The following VSTM4 variants were observed in gnomAD, a reference collection of about 807,000 sequenced individuals.
VSTM4 encodes the protein V-set and transmembrane domain-containing protein 4.
VSTM4 carries 20 observed loss-of-function variants against 36.4 expected under a neutral mutation model. That is an observed-to-expected ratio of 0.55 (90% confidence interval 0.39 to 0.80). The LOEUF (loss-of-function observed/expected upper bound fraction) is 0.80. Ranked by LOEUF, VSTM4 falls within the 30% of genes least tolerant of loss-of-function variation. The pLI, the probability that VSTM4 is intolerant of heterozygous loss-of-function variation, is 0.00. For missense variants in VSTM4, 392 were observed against 404.5 expected, an observed-to-expected ratio of 0.97 and a Z score of 0.26; for synonymous variants, 182 against 173.9, an observed-to-expected ratio of 1.05 and a Z score of -0.37.
chr10:49,078,884 C>A (rs531783208), intron 3 of VSTM4, among the ~76,000 whole-genome samples: 1 of 151,874 alleles, frequency 6.6e-6, no homozygotes, highest in African/African-American at 2.4e-5. Context: ...CAGGCTGGAG[C>A]GCAGTGGCAT....
intron 7 of VSTM4, among the ~76,000 whole-genome samples, chr10:49,032,432 G>A (rs1416965405): frequency 3.3e-5 from 5 of 152,202 alleles, no homozygotes; most frequent in African/African-American, 1.2e-4. Context: ...GCTCTGATGT[G>A]AGCAGTAATT....
chr10:49,069,641 C>A (rs942364167), intron 4 of VSTM4, among the ~76,000 whole-genome samples: 1 of 152,192 alleles, frequency 6.6e-6, no homozygotes, highest in South Asian at 2.1e-4. Flanking sequence ...GAGCCCAGCC[C>A]CCTCCAGGAA....
chr10:49,071,205 C>G (rs1421698426), intron 4 of VSTM4, among the ~76,000 whole-genome samples: 1 of 152,238 alleles, frequency 6.6e-6, no homozygotes, highest in East Asian at 1.9e-4. Flanking sequence ...TCTTTCCTAT[C>G]TAGTTCGAGT....
intron 7 of VSTM4, among the ~76,000 whole-genome samples, chr10:49,040,901 G>C (rs754965074): frequency 6.6e-6 from 1 of 152,178 alleles, no homozygotes; most frequent in Non-Finnish European, 1.5e-5. Context: ...GGGGAGCTCT[G>C]TGGCCTAGGA....
At chr10:49,028,584 T>A (rs2254629) in intron 7 of VSTM4, among the ~76,000 whole-genome samples, 102,337 of 151,968 alleles carry the variant, frequency 0.67, 36,362 homozygotes, top group Non-Finnish European at 0.8. Flanking sequence ...TCTTAATGGA[T>A]AGTTTCTGAG....
chr10:49,024,552 G>A (rs1209265066), intron 7 of VSTM4, among the ~76,000 whole-genome samples: 1 of 152,200 alleles, frequency 6.6e-6, no homozygotes, highest in East Asian at 1.9e-4. Flanking sequence ...TTAAAGGTCA[G>A]CTGTGTGACC....
At chr10:49,082,414 AAC>A (rs1230680830) in intron 3 of VSTM4, among the ~76,000 whole-genome samples, 1 of 152,232 alleles carries the variant, frequency 6.6e-6, no homozygotes, top group Non-Finnish European at 1.5e-5. Context: ...CTGTAATCCT[AAC>A]ACTGTGGGAG....
chr10:49,015,089 C>T lies in VSTM4; in HGVS notation c.*4561G>A, dbSNP rs1294479474. ...TGTTAGAAACTCAGAATCCCAGGTC[C>T]TATCCCAGACCTCCTGAGCCAGGAT... On this transcript the variant is annotated 3_prime_UTR_variant, in exon 8 of 8. Transcript: ENST00000332853. 2 of 151,512 alleles carry T rather than the reference C, an allele frequency of 1.3e-5. No individual in the cohort carries two copies. The highest frequency in any genetic ancestry group is 1.5e-5 in the Non-Finnish European group (1 of 67,994). 9.4% of individuals were successfully genotyped at this position (151,512 alleles called of 1,614,324 possible).
chr10:49,032,097 C>T (rs1332259631), intron 7 of VSTM4, among the ~76,000 whole-genome samples: 1 of 152,170 alleles, frequency 6.6e-6, no homozygotes, highest in Non-Finnish European at 1.5e-5. Context: ...ACATATCACT[C>T]CTTGGTATTA....
chr10:49,055,284 T>G (rs948975707), intron 5 of VSTM4, among the ~76,000 whole-genome samples: 4 of 152,152 alleles, frequency 2.6e-5, no homozygotes, highest in African/African-American at 9.7e-5. Flanking sequence ...GAAACGTCCA[T>G]GTATTTCCTG....
At chr10:49,107,462 G>A (rs1238520116) in intron 2 of VSTM4, 132 bp downstream of exon 2, 4 of 1,183,478 alleles carry the variant, frequency 3.4e-6, no homozygotes, top group Non-Finnish European at 4.7e-6. Context: ...TCATGTCTGT[G>A]ACCAACAGAG....
At chr10:49,074,726 T>A (rs1313635365) in intron 4 of VSTM4, among the ~76,000 whole-genome samples, 1 of 152,184 alleles carries the variant, frequency 6.6e-6, no homozygotes, top group African/African-American at 2.4e-5. Flanking sequence ...TAGAGCTGTC[T>A]TGGAAGAGCC....
chr10:49,048,175 T>C (rs1417785674), intron 6 of VSTM4, among the ~76,000 whole-genome samples: 1 of 152,178 alleles, frequency 6.6e-6, no homozygotes, highest in Non-Finnish European at 1.5e-5. Context: ...GTTTTAATAG[T>C]ACAAAGTGAA....
intron 3 of VSTM4, among the ~76,000 whole-genome samples, chr10:49,085,580 C>T (rs1188368908): frequency 6.6e-6 from 1 of 152,222 alleles, no homozygotes; most frequent in Non-Finnish European, 1.5e-5. Flanking sequence ...GGTGCTTTAA[C>T]TTCCACTCTT....
At chr10:49,074,576 A>G (rs1414656847) in intron 4 of VSTM4, among the ~76,000 whole-genome samples, 3 of 152,226 alleles carry the variant, frequency 2.0e-5, no homozygotes, top group African/African-American at 4.8e-5. Flanking sequence ...ACCTAGGCCC[A>G]TCATGCACGG....
chr10:49,023,544 T>C (rs941397343), intron 7 of VSTM4, among the ~76,000 whole-genome samples: 9 of 152,120 alleles, frequency 5.9e-5, no homozygotes, highest in Non-Finnish European at 1.0e-4. Context: ...CTGAAAGCAG[T>C]GGTTAAAGCA....
At chr10:49,060,655 T>G (rs142200276) in intron 5 of VSTM4, among the ~76,000 whole-genome samples, 2 of 152,342 alleles carry the variant, frequency 1.3e-5, no homozygotes, top group East Asian at 3.9e-4. Flanking sequence ...TCTTTTCATT[T>G]TCTTAATGGT....
intron 7 of VSTM4, among the ~76,000 whole-genome samples, chr10:49,045,452 T>A (rs1378985095): frequency 6.6e-6 from 1 of 152,080 alleles, no homozygotes; most frequent in Admixed American, 6.5e-5. Flanking sequence ...CATAGTAAAA[T>A]CTGCTGCAAG....
At chr10:49,058,128 G>A (rs981291529) in intron 5 of VSTM4, among the ~76,000 whole-genome samples, 17 of 152,116 alleles carry the variant, frequency 1.1e-4, no homozygotes, top group African/African-American at 3.9e-4. Context: ...ATACCCTGCC[G>A]CTTCTCCTTC....
Sources: gnomAD v4.1 joint callset for allele counts (sites outside exome capture counted in the v4.1 genomes callset) on GRCh38, gnomAD v4.1.1 for gene constraint, MANE v1.5 for transcripts, NCBI Gene and HGNC (gene_info 2026-07-23, HGNC 2026-07-21) for gene names.